The following OLFM3 variants were observed in gnomAD, a reference collection of about 807,000 sequenced individuals.
OLFM3 encodes noelin-3.
Under a neutral mutation model 48.6 loss-of-function variants are expected in OLFM3, and 20 were observed. The observed-to-expected ratio is 0.41, with a 90% confidence interval of 0.29 to 0.60. The LOEUF (loss-of-function observed/expected upper bound fraction) is 0.60. OLFM3 is among the 20% of genes least tolerant of loss of function. The probability of loss-of-function intolerance (pLI) is 0.28; values close to 1 mark genes in which losing one functional copy is unlikely to be tolerated. For missense variants in OLFM3, 437 were observed against 544.3 expected (o/e 0.80, Z 1.96); for synonymous variants, 222 against 198.1 (o/e 1.12, Z -1.01).
rs1198692909 is a variant in OLFM3, at chr1:101,887,952, T to TGCAGC, written c.70-50928_70-50927insGCTGC. 2.0e-5 allele frequency among the ~76,000 whole-genome samples: 3 copies of TGCAGC among 152,124 alleles called. No individual in the cohort carries two copies. In the East Asian group the frequency reaches 5.8e-4, roughly 29 times the overall value. On this transcript the variant is annotated intron_variant, in intron 1 of 5. Coordinates refer to ENST00000370103, the MANE Select transcript of OLFM3 (RefSeq NM_058170.4). Reference sequence around the variant, plus strand: ...AAGCATATATTCAAATTGTGTAGTATTATAGTATGCAGCTATTAACATGTG... The same window carrying TGCAGC: ...AAGCATATATTCAAATTGTGTAGTATGCAGCTATAGTATGCAGCTATTAACATGTG...
intron 1 of OLFM3, among the ~76,000 whole-genome samples, chr1:101,958,576 G>T (rs536594623): frequency 1.3e-5 from 2 of 152,114 alleles, no homozygotes; most frequent in East Asian, 3.9e-4. Flanking sequence ...GAATATGCAT[G>T]CTTTTTATCA....
At chr1:101,995,669 A>G (rs1451405581) in intron 1 of OLFM3, among the ~76,000 whole-genome samples, 2 of 152,200 alleles carry the variant, frequency 1.3e-5, no homozygotes, top group African/African-American at 2.4e-5. Context: ...TCTTAGTTCT[A>G]TTCAGTAATG....
intron 1 of OLFM3, among the ~76,000 whole-genome samples, chr1:101,956,503 A>G (rs1466536799): frequency 2.6e-5 from 4 of 151,860 alleles, no homozygotes; most frequent in Admixed American, 2.0e-4. Flanking sequence ...CTTAGGAAAT[A>G]TCTATTTCTC....
chr1:101,830,662 T>G lies in OLFM3; in HGVS notation c.372+10A>C, dbSNP rs1488358086. 6.2e-7 allele frequency: 1 copy of G among 1,614,114 alleles called. No homozygotes were observed. Among genetic ancestry groups the G allele is most frequent in the Admixed American group, 1.7e-5 (1 of 60,022 alleles). On this transcript the variant is annotated intron_variant, in intron 3 of 5. Transcript: ENST00000370103. ...ATTTGGATTGACAAGATTGCAGAAG[T>G]CAAACCTACCTGAAAATGCTTGGTC...
intron 1 of OLFM3, among the ~76,000 whole-genome samples, chr1:101,978,468 T>C (rs574957581): frequency 1.5e-4 from 23 of 152,282 alleles, no homozygotes; most frequent in African/African-American, 5.3e-4. Flanking sequence ...AGTTTTTCAA[T>C]TAGTTTTAAG....
intron 1 of OLFM3, among the ~76,000 whole-genome samples, chr1:101,931,970 A>G (rs751847670): frequency 3.3e-5 from 5 of 152,326 alleles, no homozygotes; most frequent in Non-Finnish European, 5.9e-5. Context: ...ACAATAATGA[A>G]ATAATTGTTT....
intron 1 of OLFM3, among the ~76,000 whole-genome samples, chr1:101,942,183 C>T (rs1289730202): frequency 6.6e-6 from 1 of 152,044 alleles, no homozygotes; most frequent in Non-Finnish European, 1.5e-5. Flanking sequence ...AAACCCTCGC[C>T]CCAGAATAGC....
At chr1:101,957,301 T>A (rs1660328211) in intron 1 of OLFM3, among the ~76,000 whole-genome samples, 1 of 152,048 alleles carries the variant, frequency 6.6e-6, no homozygotes, top group Admixed American at 6.6e-5. Flanking sequence ...TTTGTCCTTT[T>A]CTTCCCCTTC....
intron 1 of OLFM3, among the ~76,000 whole-genome samples, chr1:101,851,343 T>A (rs778566107): frequency 6.6e-6 from 1 of 152,172 alleles, no homozygotes; most frequent in African/African-American, 2.4e-5. Context: ...AGAGACTGAA[T>A]GAGATGACAT....
intron 1 of OLFM3, among the ~76,000 whole-genome samples, chr1:101,935,684 A>G (rs1659591822): frequency 6.6e-6 from 1 of 152,092 alleles, no homozygotes; most frequent in Non-Finnish European, 1.5e-5. Flanking sequence ...AAAGAAAACT[A>G]CAGGGAAGTA....
At chr1:101,930,846 C>T (rs7535893) in intron 1 of OLFM3, among the ~76,000 whole-genome samples, 50,324 of 152,026 alleles carry the variant, frequency 0.33, 8,955 homozygotes, top group Middle Eastern at 0.49. Flanking sequence ...AGCCAGGGCT[C>T]CAGCATTTTT....
At chr1:101,843,116 A>G (rs905643074) in intron 1 of OLFM3, among the ~76,000 whole-genome samples, 10 of 152,226 alleles carry the variant, frequency 6.6e-5, no homozygotes, top group Non-Finnish European at 1.2e-4. Flanking sequence ...GAAGATATTG[A>G]CAGTTCATTT....
At chr1:101,879,863 A>G (rs896597499) in intron 1 of OLFM3, among the ~76,000 whole-genome samples, 1 of 151,858 alleles carries the variant, frequency 6.6e-6, no homozygotes, top group Non-Finnish European at 1.5e-5. Context: ...CCTAAAATAA[A>G]GTTTCTCTTA....
chr1:101,919,271 T>C (rs2101036387), intron 1 of OLFM3, among the ~76,000 whole-genome samples: 1 of 152,332 alleles, frequency 6.6e-6, no homozygotes, highest in East Asian at 1.9e-4. Context: ...TATTATCCCA[T>C]TTCTCTGTTC....
chr1:101,808,197 T>C (rs1653873162), intron 4 of OLFM3, among the ~76,000 whole-genome samples: 1 of 151,730 alleles, frequency 6.6e-6, no homozygotes, highest in South Asian at 2.1e-4. Context: ...GAGTGATACA[T>C]GATTTTATCT....
chr1:101,921,824 A>T (rs188943409), intron 1 of OLFM3, among the ~76,000 whole-genome samples: 2 of 152,196 alleles, frequency 1.3e-5, no homozygotes, highest in Admixed American at 1.3e-4. Context: ...TTGGGAGGCC[A>T]AGGTGGGCAG....
At chr1:101,989,264 A>G (rs1365500526) in intron 1 of OLFM3, among the ~76,000 whole-genome samples, 1 of 152,120 alleles carries the variant, frequency 6.6e-6, no homozygotes, top group Non-Finnish European at 1.5e-5. Context: ...AAAATAACAG[A>G]AGGCATAGCT....
intron 1 of OLFM3, among the ~76,000 whole-genome samples, chr1:101,844,073 A>G (rs944601139): frequency 6.6e-6 from 1 of 152,158 alleles, no homozygotes; most frequent in Admixed American, 6.5e-5. Context: ...ATCTAAGGGA[A>G]GAGTTTTGCT....
At chr1:101,950,071 G>A (rs1339590368) in intron 1 of OLFM3, among the ~76,000 whole-genome samples, 1 of 149,680 alleles carries the variant, frequency 6.7e-6, no homozygotes, top group African/African-American at 2.5e-5. Context: ...GATGGCTGCA[G>A]TTTTTACTGA....
Sources: gnomAD v4.1 joint callset for allele counts (sites outside exome capture counted in the v4.1 genomes callset) on GRCh38, gnomAD v4.1.1 for gene constraint, MANE v1.5 for transcripts, NCBI Gene and HGNC (gene_info 2026-07-23, HGNC 2026-07-21) for gene names.